CDK19: variants seen among roughly 807,000 people sequenced by gnomAD.
CDK19 encodes the protein cyclin-dependent kinase 19.
A neutral mutation model predicts 68.3 loss-of-function variants in CDK19; 20 were observed. That is an observed-to-expected ratio of 0.29 (90% confidence interval 0.21 to 0.43). CDK19 has a LOEUF of 0.43. Ranked by LOEUF, CDK19 falls within the 20% of genes least tolerant of loss-of-function variation. The probability of loss-of-function intolerance (pLI) is 1.00; values close to 1 mark genes in which losing one functional copy is unlikely to be tolerated. For missense variants in CDK19, 339 were observed against 623.5 expected (o/e 0.54, Z 4.86); for synonymous variants, 221 against 222.8 (o/e 0.99, Z 0.07).
intron 2 of CDK19, among the ~76,000 whole-genome samples, chr6:110,738,152 A>C (rs1477466965): frequency 1.3e-5 from 2 of 152,150 alleles, no homozygotes; most frequent in Non-Finnish European, 2.9e-5. Flanking sequence ...TATTTCCACT[A>C]ATCTATACTT....
intron 2 of CDK19, among the ~76,000 whole-genome samples, chr6:110,688,313 C>T (rs1019644065): frequency 3.3e-5 from 5 of 151,516 alleles, no homozygotes; most frequent in African/African-American, 1.2e-4. Context: ...CAGAGCAAGA[C>T]TCCATGTCCA....
chr6:110,621,136 A>G lies in CDK19; in HGVS notation c.1345T>C (p.Ser449Pro). ...KPRLGPSGAN[S>P]GGPVMPSDYQ... The stretch of plus-strand genomic sequence containing the variant: ...TCCGAGGGCATCACAGGTCCACCTG[A>G]GTTTGCGCCTGAAGGCCCTAGCCGT... The change falls in exon 12 of 13, where the codon TCA becomes CCA. Residue 449 changes from serine (S) to proline (P), a missense_variant. Transcript: ENST00000368911. The surrounding 1 kb of genome is among the most constrained non-coding windows in gnomAD (Gnocchi z 5.4). The G allele has an allele frequency of 2.5e-6, 4 of 1,613,970 alleles. No homozygotes were observed. Among genetic ancestry groups the G allele is most frequent in the Non-Finnish European group, 3.4e-6 (4 of 1,179,932 alleles).
At chr6:110,701,664 T>C (rs1183703350) in intron 2 of CDK19, among the ~76,000 whole-genome samples, 1 of 151,954 alleles carries the variant, frequency 6.6e-6, no homozygotes, top group African/African-American at 2.4e-5. Flanking sequence ...TATCTAACAA[T>C]ATGACTATCT....
At chr6:110,637,602 T>A (rs1779863504) in intron 5 of CDK19, among the ~76,000 whole-genome samples, 1 of 152,248 alleles carries the variant, frequency 6.6e-6, no homozygotes, top group African/African-American at 2.4e-5. Context: ...TATATTCTAA[T>A]AGCAAAGAAA....
Position 110,622,826 on chromosome 6 carries a change from C to T in CDK19, c.1020G>A (p.Leu340=), listed in dbSNP as rs1308398923. 6.2e-7 allele frequency: 1 copy of T among 1,606,042 alleles called. No individual in the cohort carries two copies. The highest frequency in any genetic ancestry group is 8.5e-7 in the Non-Finnish European group (1 of 1,172,560). Residue 340 remains leucine, a synonymous_variant, in exon 10 of 13, where the codon TTG becomes TTA. Coordinates refer to ENST00000368911, the MANE Select transcript of CDK19 (RefSeq NM_015076.5). The stretch of plus-strand genomic sequence containing the variant: ...GACAGGATACATACTCTAATGTTGG[C>T]AAAGGGTCCTCCTGAAAATAGGGAT... ...LQDPYFQEDP[L]PTLDVFAGCQ...
At chr6:110,759,428 AATATAT>A (rs34490988) in intron 1 of CDK19, among the ~76,000 whole-genome samples, 1 of 50,916 alleles carries the variant, frequency 2.0e-5, no homozygotes. Flanking sequence ...AAAAAAAAAA[AATATAT>A]ATATATATAT....
chr6:110,780,005 G>A (rs969687696), intron 1 of CDK19, among the ~76,000 whole-genome samples: 2 of 152,028 alleles, frequency 1.3e-5, no homozygotes, highest in African/African-American at 2.4e-5. Context: ...AGATCACAAG[G>A]TCAAGAGATT....
intron 4 of CDK19, among the ~76,000 whole-genome samples, chr6:110,642,701 C>A (rs995271346): frequency 6.6e-6 from 1 of 151,930 alleles, no homozygotes; most frequent in Non-Finnish European, 1.5e-5. Context: ...CACCTGTAAT[C>A]CCAGTTACTC....
At chr6:110,814,800 G>T (rs953101318) in intron 1 of CDK19, 4 of 695,186 alleles carry the variant, frequency 5.8e-6, no homozygotes, top group Non-Finnish European at 1.0e-5. Flanking sequence ...ACCGGGCTGC[G>T]CCGCGGGAGT....
chr6:110,792,995 G>A (rs1250535116), intron 1 of CDK19, among the ~76,000 whole-genome samples: 1 of 152,186 alleles, frequency 6.6e-6, no homozygotes, highest in African/African-American at 2.4e-5. Flanking sequence ...GAGATACAGA[G>A]AGATTATTTA....
At chr6:110,739,510 C>T (rs768787529) in intron 2 of CDK19, among the ~76,000 whole-genome samples, 1 of 152,154 alleles carries the variant, frequency 6.6e-6, no homozygotes, top group Non-Finnish European at 1.5e-5. Flanking sequence ...ACCTCCTCAA[C>T]CTATGCCCTT....
intron 1 of CDK19, among the ~76,000 whole-genome samples, chr6:110,784,766 A>G (rs1781079198): frequency 6.6e-6 from 1 of 152,196 alleles, no homozygotes; most frequent in Admixed American, 6.5e-5. Flanking sequence ...GATAAATACA[A>G]CGTGATATAT....
intron 1 of CDK19, among the ~76,000 whole-genome samples, chr6:110,802,531 G>GA (rs1236535705): frequency 3.3e-5 from 5 of 152,150 alleles, no homozygotes; most frequent in Non-Finnish European, 2.9e-5. Flanking sequence ...TCCAAAAGGG[G>GA]AAAAACAGAG....
chr6:110,707,388 AC>A (rs1036598751), intron 2 of CDK19, among the ~76,000 whole-genome samples: 3 of 152,074 alleles, frequency 2.0e-5, no homozygotes, highest in African/African-American at 7.2e-5. Flanking sequence ...GGCTAAGTAC[AC>A]AGCCAATAAA....
chr6:110,815,239 T>TCCCG lies in CDK19; in HGVS notation c.-104_-103insCGGG. ...CCGCTCCACTTCTCCAACAGCCGCC[T>TCCCG]CTCGCGCGCGCGCGCGCGCCGCCCG... On this transcript the variant is annotated 5_prime_UTR_variant, in exon 1 of 13. Coordinates refer to ENST00000368911, the MANE Select transcript of CDK19 (RefSeq NM_015076.5). The TCCCG allele has an allele frequency of 8.7e-7, 1 of 1,148,834 alleles. No homozygotes were observed. The allele number at this position is 1,148,834 out of a possible 1,614,324, so 71.2% of individuals were successfully genotyped here.
intron 2 of CDK19, among the ~76,000 whole-genome samples, chr6:110,708,634 C>T (rs1774705142): frequency 6.6e-6 from 1 of 152,196 alleles, no homozygotes; most frequent in Non-Finnish European, 1.5e-5. Flanking sequence ...TGTAACTTCC[C>T]TCTACTCTTA....
chr6:110,721,448 C>T (rs1380651804), intron 2 of CDK19, among the ~76,000 whole-genome samples: 2 of 152,006 alleles, frequency 1.3e-5, no homozygotes, highest in Admixed American at 1.3e-4. Context: ...GCAAGATTTT[C>T]TAAGATAACT....
At chr6:110,777,076 C>G (rs1780451852) in intron 1 of CDK19, among the ~76,000 whole-genome samples, 1 of 152,182 alleles carries the variant, frequency 6.6e-6, no homozygotes, top group Non-Finnish European at 1.5e-5. Context: ...ATCATACAAA[C>G]CGGCATCTAT....
Position 110,815,338 on chromosome 6 carries a change from T to G in CDK19, c.-202A>C. 2.7e-6 allele frequency: 1 copy of G among 369,286 alleles called. No homozygotes were observed. Among genetic ancestry groups the G allele is most frequent in the Non-Finnish European group, 4.6e-6 (1 of 215,238 alleles). The allele number at this position is 369,286 out of a possible 1,614,324, so 22.9% of individuals were successfully genotyped here. ...CACAGCAGCCACCTCCTCCACCTCT[T>G]CCTCCTCCTCCTCCGCGACGGCGGC... On this transcript the variant is annotated 5_prime_UTR_variant, in exon 1 of 13. Transcript: ENST00000368911.
Sources: allele counts gnomAD v4.1 joint callset (sites outside exome capture counted in the v4.1 genomes callset), GRCh38; gene constraint gnomAD v4.1.1; non-coding constraint Gnocchi (gnomAD v3.1); transcripts MANE v1.5; gene names NCBI Gene and HGNC (gene_info 2026-07-23, HGNC 2026-07-21).